The following STARD6 variants were observed in gnomAD, a reference collection of about 807,000 sequenced individuals.
STARD6 encodes StAR related lipid transfer domain containing 6.
A neutral mutation model predicts 22.3 loss-of-function variants in STARD6; 21 were observed. That is an observed-to-expected ratio of 0.94 (90% confidence interval 0.67 to 1.35). The LOEUF is 1.35. Among genes scored for constraint, STARD6 ranks in the 40% most tolerant of loss-of-function variants. The pLI, the probability that STARD6 is intolerant of heterozygous loss-of-function variation, is 0.00. For synonymous variants in STARD6, 80 were observed against 88.1 expected (o/e 0.91, Z 0.52); for missense variants, 269 against 266.9 (o/e 1.01, Z -0.05).
At chr18:54,345,956 G>A (rs920530483) in intron 4 of STARD6, among the ~76,000 whole-genome samples, 3 of 152,144 alleles carry the variant, frequency 2.0e-5, no homozygotes. Flanking sequence ...CTACATGTAA[G>A]AAATAAAACC....
At chr18:54,338,294 C>T (rs2088935478) in intron 4 of STARD6, among the ~76,000 whole-genome samples, 1 of 152,194 alleles carries the variant, frequency 6.6e-6, no homozygotes, top group South Asian at 2.1e-4. Context: ...CTACCAGTCC[C>T]TGGCTAAATC....
intron 4 of STARD6, among the ~76,000 whole-genome samples, chr18:54,343,706 G>A (rs866963813): frequency 2.7e-3 from 130 of 47,446 alleles, no homozygotes; most frequent in Admixed American, 6.7e-3. Flanking sequence ...CAGCCGCCCC[G>A]TCCGGGAGGG....
chr18:54,342,029 C>A (rs112041663), intron 4 of STARD6, among the ~76,000 whole-genome samples: 1 of 151,958 alleles, frequency 6.6e-6, no homozygotes, highest in Admixed American at 6.5e-5. Context: ...GCTAGATGTA[C>A]GCAAAAAAAG....
At chr18:54,353,703 G>T (rs1441013780) in intron 4 of STARD6, among the ~76,000 whole-genome samples, 1 of 152,112 alleles carries the variant, frequency 6.6e-6, no homozygotes, top group East Asian at 1.9e-4. Context: ...CTTGTTAGTG[G>T]TTCATTTAAT....
At chr18:54,336,179 C>T (rs1202944195) in intron 5 of STARD6, among the ~76,000 whole-genome samples, 2 of 152,166 alleles carry the variant, frequency 1.3e-5, no homozygotes, top group African/African-American at 2.4e-5. Context: ...TATTCTCTCT[C>T]TTTATATCTA....
intron 4 of STARD6, among the ~76,000 whole-genome samples, chr18:54,343,479 C>T (rs1211907573): frequency 9.5e-5 from 11 of 116,112 alleles, no homozygotes; most frequent in Non-Finnish European, 1.1e-4. Flanking sequence ...CGCCTCTGCC[C>T]GGCCGCCCCT....
intron 4 of STARD6, among the ~76,000 whole-genome samples, chr18:54,345,139 A>G (rs1043935412): frequency 3.9e-5 from 6 of 152,182 alleles, no homozygotes; most frequent in Non-Finnish European, 7.3e-5. Context: ...ATAGAAAAAA[A>G]CAACAGAATC....
chr18:54,342,117 A>G (rs2088974647), intron 4 of STARD6, among the ~76,000 whole-genome samples: 1 of 152,246 alleles, frequency 6.6e-6, no homozygotes, highest in African/African-American at 2.4e-5. Flanking sequence ...GTGTCAACAA[A>G]GTAGATAGCT....
At chr18:54,351,956 C>G (rs1407734473) in intron 4 of STARD6, among the ~76,000 whole-genome samples, 1 of 121,806 alleles carries the variant, frequency 8.2e-6, no homozygotes, top group East Asian at 2.6e-4. Context: ...TAGGGTGATA[C>G]TGGCCTCATA....
chr18:54,332,752 A>G (rs1169151854), intron 5 of STARD6, among the ~76,000 whole-genome samples: 2 of 152,178 alleles, frequency 1.3e-5, no homozygotes, highest in Non-Finnish European at 2.9e-5. Flanking sequence ...GTTAAGACAC[A>G]TCCTTGACCA....
chr18:54,342,722 C>T (rs1163236560), intron 4 of STARD6, among the ~76,000 whole-genome samples: 2 of 84,740 alleles, frequency 2.4e-5, no homozygotes, highest in Non-Finnish European at 4.4e-5. Flanking sequence ...CTCGGCCTCC[C>T]GAGGTGCCGG....
At chr18:54,349,628 A>G (rs770907413) in intron 4 of STARD6, among the ~76,000 whole-genome samples, 1 of 152,086 alleles carries the variant, frequency 6.6e-6, no homozygotes, top group East Asian at 1.9e-4. Flanking sequence ...ACTGTACCCA[A>G]TGTGTAGTCT....
At chr18:54,343,109 C>G (rs1202654885) in intron 4 of STARD6, among the ~76,000 whole-genome samples, 6 of 31,212 alleles carry the variant, frequency 1.9e-4, no homozygotes, top group Admixed American at 6.8e-4. Flanking sequence ...GCCTCTGCCC[C>G]ACCGCCCCAT....
intron 4 of STARD6, among the ~76,000 whole-genome samples, chr18:54,348,813 A>G (rs1290183743): frequency 2.6e-5 from 4 of 152,180 alleles, no homozygotes; most frequent in Admixed American, 2.6e-4. Flanking sequence ...CTTCCAGGCA[A>G]ATGCTTAAAG....
At chr18:54,338,362 A>G (rs1599301644) in intron 4 of STARD6, among the ~76,000 whole-genome samples, 1 of 152,282 alleles carries the variant, frequency 6.6e-6, no homozygotes, top group East Asian at 1.9e-4. Flanking sequence ...CCACATACAT[A>G]TTTGACAGTA....
At chr18:54,344,067 G>T (rs2089012455) in intron 4 of STARD6, among the ~76,000 whole-genome samples, 1 of 45,124 alleles carries the variant, frequency 2.2e-5, no homozygotes. Flanking sequence ...CCCCGTCTGG[G>T]AGGTGTGCCC....
At chr18:54,354,368 A>C (rs764290206) in intron 3 of STARD6, 116 bp downstream of exon 3, 14 of 861,648 alleles carry the variant, frequency 1.6e-5, no homozygotes, top group Admixed American at 2.6e-5. Flanking sequence ...AGCTGGGACT[A>C]TAGGTGCACA....
intron 4 of STARD6, among the ~76,000 whole-genome samples, chr18:54,341,881 T>G (rs2088972421): frequency 6.6e-6 from 1 of 152,026 alleles, no homozygotes; most frequent in Non-Finnish European, 1.5e-5. Context: ...AAGAGCAAAC[T>G]AAACCCAAAG....
chr18:54,352,696 G>A (rs142041093), intron 4 of STARD6, among the ~76,000 whole-genome samples: 43 of 152,264 alleles, frequency 2.8e-4, no homozygotes, highest in African/African-American at 9.9e-4. Context: ...AGTACCAATT[G>A]TTTAGTTTTG....
Sources: gnomAD v4.1 joint callset for allele counts (sites outside exome capture counted in the v4.1 genomes callset) on GRCh38, gnomAD v4.1.1 for gene constraint, MANE v1.5 for transcripts, NCBI Gene and HGNC (gene_info 2026-07-23, HGNC 2026-07-21) for gene names.